IYD: variants seen among roughly 807,000 people sequenced by gnomAD.
IYD encodes the protein iodotyrosine deiodinase.
IYD carries 25 observed loss-of-function variants against 28.4 expected under a neutral mutation model. The ratio of observed to expected loss-of-function variants is 0.88; its 90% CI spans 0.64 to 1.23. IYD has a LOEUF of 1.23. Among genes scored for constraint, IYD ranks in the 50% most tolerant of loss-of-function variants. The pLI is 0.00. For missense variants in IYD, 352 were observed against 357.9 expected (o/e 0.98, Z 0.13); for synonymous variants, 140 against 130.8 (o/e 1.07, Z -0.48).
chr6:150,383,069 T>C (rs1777709384), intron 1 of IYD, among the ~76,000 whole-genome samples: 1 of 152,246 alleles, frequency 6.6e-6, no homozygotes, highest in African/African-American at 2.4e-5. Flanking sequence ...GTCTAGGATA[T>C]TGGTACTTAT....
intron 1 of IYD, chr6:150,385,256 T>C (rs1777817307): frequency 6.6e-6 from 1 of 152,216 alleles, no homozygotes. Flanking sequence ...TAATCTTTCA[T>C]ATTTAGAATT....
chr6:150,373,126 C>T (rs1248389396), intron 1 of IYD, among the ~76,000 whole-genome samples: 1 of 152,186 alleles, frequency 6.6e-6, no homozygotes, highest in Non-Finnish European at 1.5e-5. Context: ...AGCTATTATT[C>T]TAACTGAAGT....
intron 1 of IYD, among the ~76,000 whole-genome samples, chr6:150,374,148 G>T (rs1286632811): frequency 1.3e-5 from 2 of 152,202 alleles, no homozygotes; most frequent in Non-Finnish European, 2.9e-5. Context: ...ACCCAATCTA[G>T]GTTCATGGCT....
In IYD at chr6:150,395,472, C is replaced by A; in HGVS notation, c.687+1217C>A. On this transcript the variant is annotated intron_variant, in intron 4 of 4. Coordinates refer to ENST00000344419, the MANE Select transcript of IYD (RefSeq NM_203395.3). ...GTAAGCAGGTAAATAATGGAATCACCATGCGGCATCAGACTGCGAGGCACC... is the reference window on the plus strand; with the variant it reads ...GTAAGCAGGTAAATAATGGAATCACAATGCGGCATCAGACTGCGAGGCACC... 4 of 1,537,018 alleles carry A rather than the reference C, an allele frequency of 2.6e-6. No homozygotes were observed. The African/African-American group carries it at 4.1e-5, about 16-fold the overall frequency.
chr6:150,375,720 G>A (rs1262019011), intron 1 of IYD, among the ~76,000 whole-genome samples: 1 of 152,160 alleles, frequency 6.6e-6, no homozygotes, highest in Non-Finnish European at 1.5e-5. Context: ...CCCAGGTAGG[G>A]AGCACAGCAA....
At chr6:150,383,822 A>C (rs1777754380) in intron 1 of IYD, among the ~76,000 whole-genome samples, 2 of 148,968 alleles carry the variant, frequency 1.3e-5, no homozygotes, top group African/African-American at 5.1e-5. Context: ...AAACAAAAAC[A>C]AAAAAAATTA....
chr6:150,390,118 A>C (rs1778056109), intron 2 of IYD, among the ~76,000 whole-genome samples: 3 of 152,218 alleles, frequency 2.0e-5, no homozygotes, highest in Non-Finnish European at 4.4e-5. Context: ...AGGAGAAATA[A>C]GAGAAAGCTC....
chr6:150,387,429 TAAAAAAAA>T (rs35642662), intron 1 of IYD, among the ~76,000 whole-genome samples: 2 of 133,882 alleles, frequency 1.5e-5, no homozygotes, highest in Non-Finnish European at 3.2e-5. Context: ...AAAGTTCTTG[TAAAAAAAA>T]AAAAAAAAAA....
At chr6:150,384,147 C>G (rs1364405083) in intron 1 of IYD, among the ~76,000 whole-genome samples, 1 of 152,158 alleles carries the variant, frequency 6.6e-6, no homozygotes, top group Non-Finnish European at 1.5e-5. Context: ...GAGTGCTGAG[C>G]ATTTTCAGCA....
intron 1 of IYD, among the ~76,000 whole-genome samples, chr6:150,377,546 G>A (rs1364219945): frequency 6.6e-6 from 1 of 152,192 alleles, no homozygotes; most frequent in Non-Finnish European, 1.5e-5. Context: ...TCATTTGTTT[G>A]ACCATTCCCT....
At position 150,370,350 on chromosome 6, in the gene IYD, C is replaced by G. The variant is rs9371991; in HGVS notation, c.178+1141C>G. 3.8e-5 allele frequency: 10 copies of G among 263,392 alleles called. No individual in the cohort carries two copies. The Admixed American group carries it at 6.6e-4, about 17-fold the overall frequency. The allele number at this position is 263,392 out of a possible 1,614,324, so 16.3% of individuals were successfully genotyped here. ...GGGTGAGTGTGCGTGTGAGTGTGCACGTGTGTGCATGAGTGTGTGTGAGCA... is the reference window on the plus strand; with the variant it reads ...GGGTGAGTGTGCGTGTGAGTGTGCAGGTGTGTGCATGAGTGTGTGTGAGCA... On this transcript the variant is annotated intron_variant, in intron 1 of 4. Coordinates refer to ENST00000344419, the MANE Select transcript of IYD (RefSeq NM_203395.3).
chr6:150,373,610 C>T (rs551007484), intron 1 of IYD, among the ~76,000 whole-genome samples: 1 of 152,160 alleles, frequency 6.6e-6, no homozygotes, highest in Non-Finnish European at 1.5e-5. Context: ...TTTGTTAAAT[C>T]ATTAGTGGCT....
In IYD at chr6:150,394,117, G is replaced by A. The variant is rs751931876; in HGVS notation, c.549G>A (p.Glu183=). ...TTCACAGAACCAACTGGATTAAAGA[G>A]TACTTGGATACTGCCCCTATTTTGA... ...LKKLRTNWIK[E]YLDTAPILIL... The change falls in exon 4 of 5, where the codon GAG becomes GAA. Residue 183 remains glutamate (E), a synonymous_variant. Coordinates refer to ENST00000344419, the MANE Select transcript of IYD (RefSeq NM_203395.3). The A allele has an allele frequency of 1.2e-6, 2 of 1,614,178 alleles. No homozygotes were observed. The highest frequency in any genetic ancestry group is 1.7e-6 in the Non-Finnish European group (2 of 1,180,014).
rs1409184839 is a variant in IYD, at chr6:150,386,481, A to G, written c.179-2871A>G. On this transcript the variant is annotated intron_variant, in intron 1 of 4. Coordinates refer to ENST00000344419, the MANE Select transcript of IYD (RefSeq NM_203395.3). The stretch of plus-strand genomic sequence containing the variant: ...TTTTCTGGTCCAATAAGTCTGCTTA[A>G]AAAAAAATGTGTTCTGTAGTTGTTT... Among the ~76,000 whole-genome samples, 4 of 151,786 alleles carry G rather than the reference A, an allele frequency of 2.6e-5. No homozygotes were observed. In the East Asian group the frequency reaches 7.7e-4, roughly 29 times the overall value.
In IYD at chr6:150,400,417, T is replaced by C. The variant is rs1778474792; in HGVS notation, c.*2180T>C. 6.6e-6 allele frequency: 1 copy of C among 152,216 alleles called. No individual in the cohort carries two copies. Among genetic ancestry groups the C allele is most frequent in the South Asian group, 2.1e-4 (1 of 4,832 alleles). 9.4% of individuals were successfully genotyped at this position (152,216 alleles called of 1,614,324 possible). A position where few individuals can be genotyped will look rare whatever the true frequency, so the allele number is the denominator to read the frequency against. ...TGACAAAGTCCTAGCACACCATTAA[T>C]GGTAGGATAACTGACATTAAGTGTT... On this transcript the variant is annotated 3_prime_UTR_variant, in exon 5 of 5. Coordinates refer to ENST00000344419, the MANE Select transcript of IYD (RefSeq NM_203395.3).
At chr6:150,388,298 T>A (rs527426238) in intron 1 of IYD, among the ~76,000 whole-genome samples, 1 of 152,334 alleles carries the variant, frequency 6.6e-6, no homozygotes, top group Non-Finnish European at 1.5e-5. Flanking sequence ...TGGGCTTTGA[T>A]ATCTGTCACC....
At chr6:150,390,964 C>T (rs1778094943) in intron 2 of IYD, among the ~76,000 whole-genome samples, 1 of 152,108 alleles carries the variant, frequency 6.6e-6, no homozygotes, top group South Asian at 2.1e-4. Flanking sequence ...CTGGGCCCAG[C>T]GTGGTGGTTC....
At chr6:150,377,934 G>C (rs929108158) in intron 1 of IYD, among the ~76,000 whole-genome samples, 14 of 152,162 alleles carry the variant, frequency 9.2e-5, no homozygotes, top group Admixed American at 3.3e-4. Flanking sequence ...AAAGTTGATA[G>C]ATGTTTATTA....
At position 150,403,667 on chromosome 6, in the gene IYD, C is replaced by T. The variant is rs374506685; in HGVS notation, c.*5430C>T. 4 of 152,214 alleles carry T rather than the reference C, an allele frequency of 2.6e-5. No homozygotes were observed. The East Asian group carries it at 5.8e-4, about 22-fold the overall frequency. 9.4% of individuals were successfully genotyped at this position (152,214 alleles called of 1,614,324 possible). On this transcript the variant is annotated 3_prime_UTR_variant, in exon 5 of 5. Transcript: ENST00000344419. ...AGCTAAGATCCTGCCAAGCTAAATA[C>T]AGTAGTTCTAATGAAATGTGAGAGG...
Sources: allele counts gnomAD v4.1 joint callset (sites outside exome capture counted in the v4.1 genomes callset), GRCh38; gene constraint gnomAD v4.1.1; transcripts MANE v1.5; gene names NCBI Gene and HGNC (gene_info 2026-07-23, HGNC 2026-07-21).